Variants in AMZ2 observed in about 807,000 individuals in gnomAD.
AMZ2 encodes the protein archaelysin family metallopeptidase 2, also known as archaemetzincin-2.
Under a neutral mutation model 36.7 loss-of-function variants are expected in AMZ2, and 26 were observed. The ratio of observed to expected loss-of-function variants is 0.71; its 90% CI spans 0.52 to 0.98. The LOEUF (loss-of-function observed/expected upper bound fraction) is 0.98, where lower values mean the gene tolerates loss of function less well. Among genes scored for constraint, AMZ2 ranks in the 50% least tolerant of loss-of-function variants. AMZ2 has a pLI of 0.00. For missense variants in AMZ2, 394 were observed against 430.5 expected (o/e 0.92, Z 0.75); for synonymous variants, 144 against 149.1 (o/e 0.97, Z 0.25).
rs2144782400 is a variant in AMZ2, at chr17:68,255,830, A to G, written c.881A>G (p.His294Arg). The G allele has an allele frequency of 1.9e-6, 3 of 1,614,210 alleles. No individual in the cohort carries two copies. Among genetic ancestry groups the G allele is most frequent in the Admixed American group, 1.7e-5 (1 of 60,024 alleles). Reference protein sequence around the residue: ...RPLNLCPICLHKLQCAVGFSI... With the variant: ...RPLNLCPICLRKLQCAVGFSI... Reference sequence around the variant, plus strand: ...CTAAACCTTTGCCCTATCTGTTTGCACAAGTTGCAGTGTGCTGTTGGCTTC... The same window carrying G: ...CTAAACCTTTGCCCTATCTGTTTGCGCAAGTTGCAGTGTGCTGTTGGCTTC... Residue 294 changes from histidine to arginine, a missense_variant, in exon 6 of 7, where the codon CAC becomes CGC. Physicochemically the swap from His to Arg is conservative, Grantham distance 29 (BLOSUM62 0). Transcript: ENST00000359904.
At chr17:68,237,643 G>T (rs2073818162) in intron 1 of AMZ2, among the ~76,000 whole-genome samples, 1 of 152,118 alleles carries the variant, frequency 6.6e-6, no homozygotes, top group Non-Finnish European at 1.5e-5. Context: ...CGGTCCTAGG[G>T]TAACCCCCTC....
At chr17:68,213,523 C>G (rs2073118842) in intron 1 of AMZ2, among the ~76,000 whole-genome samples, 1 of 152,176 alleles carries the variant, frequency 6.6e-6, no homozygotes, top group Non-Finnish European at 1.5e-5. Flanking sequence ...GTCGAGAGGT[C>G]TGAATCCACA....
Position 68,256,990 on chromosome 17 carries a change from T to C in AMZ2, c.*21T>C. On this transcript the variant is annotated 3_prime_UTR_variant, in exon 7 of 7. Coordinates refer to ENST00000359904, the MANE Select transcript of AMZ2 (RefSeq NM_016627.5). The stretch of plus-strand genomic sequence containing the variant: ...AATGAGGACCTTCAAATAGGAGTGA[T>C]TGAAATAAATAACTACTTGCATGTT... The C allele has an allele frequency of 6.2e-7, 1 of 1,606,906 alleles. No individual in the cohort carries two copies. Among genetic ancestry groups the C allele is most frequent in the South Asian group, 1.1e-5 (1 of 90,198 alleles).
intron 1 of AMZ2, among the ~76,000 whole-genome samples, chr17:68,221,457 C>T (rs1171488312): frequency 1.3e-5 from 2 of 152,006 alleles, no homozygotes; most frequent in Non-Finnish European, 2.9e-5. Context: ...AGGCAGGGCA[C>T]GGTGGCTCAC....
chr17:68,213,611 G>A (rs1200996376), intron 1 of AMZ2, among the ~76,000 whole-genome samples: 3 of 152,230 alleles, frequency 2.0e-5, no homozygotes, highest in East Asian at 1.9e-4. Context: ...ACAGTGATAC[G>A]CCCTTGTGTG....
intron 1 of AMZ2, among the ~76,000 whole-genome samples, chr17:68,221,647 G>C (rs1367410461): frequency 6.6e-6 from 1 of 151,914 alleles, no homozygotes; most frequent in African/African-American, 2.4e-5. Context: ...AGAATCGCTT[G>C]AACCTGAGAG....
At chr17:68,248,008 TA>T (rs1599394471), upstream of AMZ2, 59 of 985,804 alleles carry the variant, frequency 6.0e-5, no homozygotes, top group Non-Finnish European at 7.0e-5. Flanking sequence ...GCGCGTGGCG[TA>T]AGGGGCGTGG....
chr17:68,214,239 A>G (rs1180918056), intron 1 of AMZ2, among the ~76,000 whole-genome samples: 10 of 152,048 alleles, frequency 6.6e-5, no homozygotes, highest in South Asian at 2.1e-4. Flanking sequence ...GATGATTTTC[A>G]TTGTCTCTTT....
At chr17:68,252,107 C>G (rs557504267) in intron 4 of AMZ2, among the ~76,000 whole-genome samples, 99 of 152,056 alleles carry the variant, frequency 6.5e-4, no homozygotes, top group African/African-American at 2.2e-3. Flanking sequence ...GAATCCAACA[C>G]AGACTTGAAA....
At position 68,214,940 on chromosome 17, in the gene AMZ2, C is replaced by T. The variant is rs11654314; in HGVS notation, c.-67+8702C>T. 3.0e-3 allele frequency among the ~76,000 whole-genome samples: 272 copies of T among 90,636 alleles called. 2 individuals carry two copies. The highest frequency in any genetic ancestry group is 5.1e-3 in the Non-Finnish European group (187 of 36,766). The allele number at this position is 90,636 out of a possible 152,430, so 59.5% of individuals were successfully genotyped here. On this transcript the variant is annotated intron_variant, in intron 1 of 7. Transcript: ENST00000674770. ...CTGGGACTACAGGTGTGTGACACCA[C>T]GCCCGGCTAATTTTTGCATTTTTTG...
chr17:68,251,213 T>C, intron 4 of AMZ2, 35 bp downstream of exon 4: 2 of 1,589,978 alleles, frequency 1.3e-6, no homozygotes, highest in Non-Finnish European at 1.7e-6. Context: ...TAGAAGCTTC[T>C]TCAGCTTGAG....
At chr17:68,208,888 G>C (rs1478898194) in intron 1 of AMZ2, among the ~76,000 whole-genome samples, 2 of 151,334 alleles carry the variant, frequency 1.3e-5, no homozygotes, top group Non-Finnish European at 2.9e-5. Flanking sequence ...CCCACCAGAA[G>C]GAAGAAACTC....
chr17:68,207,592 T>G (rs1446043895), intron 1 of AMZ2: 2 of 152,266 alleles, frequency 1.3e-5, no homozygotes, highest in Admixed American at 1.3e-4. Context: ...GAAAAGTTTC[T>G]GATTTTTCAT....
intron 1 of AMZ2, among the ~76,000 whole-genome samples, chr17:68,209,400 G>T (rs1424286114): frequency 1.3e-5 from 2 of 151,530 alleles, no homozygotes; most frequent in East Asian, 1.9e-4. Context: ...CACTATGTTG[G>T]CCAGGCTGGT....
chr17:68,225,310 G>A (rs1163711368), intron 1 of AMZ2, among the ~76,000 whole-genome samples: 1 of 152,168 alleles, frequency 6.6e-6, no homozygotes, highest in Non-Finnish European at 1.5e-5. Context: ...CGTGTTGATG[G>A]TGGTTGAAGT....
At position 68,255,776 on chromosome 17, in the gene AMZ2, A is replaced by G. The variant is rs1555742511; in HGVS notation, c.827A>G (p.Asn276Ser). ...CTTGCATGCCTCATGCAAGGCTCCA[A>G]CCACTTGGAAGAAGCTGACCGGCGC... ...QWLACLMQGS[N>S]HLEEADRRPL... is the part of the protein sequence containing the mutation. The change falls in exon 6 of 7, where the codon AAC (asparagine) becomes AGC (serine). Residue 276 changes from asparagine (N) to serine (S), a missense_variant. By Grantham distance (46) the Asn-to-Ser change is conservative. Transcript: ENST00000359904. 2 of 1,614,146 alleles carry G rather than the reference A, an allele frequency of 1.2e-6. No individual in the cohort carries two copies. Among genetic ancestry groups the G allele is most frequent in the Non-Finnish European group, 1.7e-6 (2 of 1,180,022 alleles).
rs148228483 is a variant in AMZ2 at position 68,227,831 on chromosome 17, G to T, written c.-66-20809G>T. ...ATGCTGGGCAACATAGTAAGACCCC[G>T]TCTCTACAAAATAAACAGAAAAGAA... is the stretch of plus-strand genomic sequence containing the variant. On this transcript the variant is annotated intron_variant, in intron 1 of 7. Transcript: ENST00000674770. Among the ~76,000 whole-genome samples the T allele has an allele frequency of 7.9e-3, 1,197 of 152,218 alleles. 14 individuals carry two copies. Among genetic ancestry groups the T allele is most frequent in the African/African-American group, 0.028 (1,144 of 41,492 alleles).
chr17:68,224,034 C>T (rs879993829), intron 1 of AMZ2, among the ~76,000 whole-genome samples: 8 of 150,072 alleles, frequency 5.3e-5, no homozygotes, highest in Admixed American at 1.3e-4. Context: ...GGACTACAGG[C>T]GCCCGCCACC....
chr17:68,254,359 A>G (rs1555741411), intron 4 of AMZ2, 45 bp from the exon 5 acceptor site: 1 of 1,565,674 alleles, frequency 6.4e-7, no homozygotes. Context: ...GTCTTTCTTC[A>G]GGGACCTTAC....
Sources: gnomAD v4.1 joint callset for allele counts (sites outside exome capture counted in the v4.1 genomes callset) on GRCh38, gnomAD v4.1.1 for gene constraint, MANE v1.5 for transcripts, NCBI Gene and HGNC (gene_info 2026-07-23, HGNC 2026-07-21) for gene names.